The following AREL1 variants were observed in gnomAD, a reference collection of about 807,000 sequenced individuals.
The protein encoded by AREL1 is apoptosis resistant E3 ubiquitin protein ligase 1.
AREL1 carries 62 observed loss-of-function variants against 99.0 expected under a neutral mutation model. The observed-to-expected ratio is 0.63, with a 90% CI of 0.51 to 0.77. The LOEUF (loss-of-function observed/expected upper bound fraction) is 0.77. Ranked by LOEUF, AREL1 falls within the 30% of genes least tolerant of loss-of-function variation. The pLI is 0.00. For synonymous variants in AREL1, 380 were observed against 376.5 expected, an observed-to-expected ratio of 1.01 and a Z score of -0.11; for missense variants, 879 against 1,027.6, an observed-to-expected ratio of 0.86 and a Z score of 1.98.
intron 13 of AREL1, 53 bp downstream of exon 13, chr14:74,670,709 G>A: frequency 3.4e-6 from 5 of 1,486,990 alleles, no homozygotes; most frequent in South Asian, 1.2e-5. Flanking sequence ...ATCCTTGTTA[G>A]TCTACCCATG....
intron 1 of AREL1, among the ~76,000 whole-genome samples, chr14:74,695,430 A>T (rs1215148369): frequency 1.3e-5 from 2 of 152,098 alleles, no homozygotes; most frequent in Non-Finnish European, 2.9e-5. Context: ...CAACCCTGTG[A>T]TCAGCTATTT....
chr14:74,699,961 C>T (rs1397340436), intron 1 of AREL1, among the ~76,000 whole-genome samples: 1 of 152,192 alleles, frequency 6.6e-6, no homozygotes, highest in African/African-American at 2.4e-5. Context: ...TATGCACAGA[C>T]CAGGCTGCTG....
rs1201090849 is a variant in AREL1 at position 74,697,494 on chromosome 14, A to G, written c.-333-5166T>C. On this transcript the variant is annotated intron_variant, in intron 1 of 19. Coordinates refer to ENST00000356357, the MANE Select transcript of AREL1 (RefSeq NM_001039479.2). ...TTTACATTTACTATGGCTTAATTCC[A>G]CTCTTAGTTTATACTCCCCAACCCA... Among the ~76,000 whole-genome samples, 36 of 151,936 alleles carry G rather than the reference A, an allele frequency of 2.4e-4. 1 individual carries two copies. Among genetic ancestry groups the G allele is most frequent in the Admixed American group, 2.4e-3 (36 of 15,256 alleles).
chr14:74,692,698 TTTTTTG>T (rs1046697079), intron 1 of AREL1, among the ~76,000 whole-genome samples: 14 of 152,054 alleles, frequency 9.2e-5, no homozygotes, highest in African/African-American at 2.2e-4. Context: ...TAGACACAGT[TTTTTTG>T]TTTTTGTTTT....
intron 8 of AREL1, among the ~76,000 whole-genome samples, 199 bp from the exon 9 acceptor site, chr14:74,674,310 C>G (rs2089422685): frequency 6.6e-6 from 1 of 152,030 alleles, no homozygotes; most frequent in South Asian, 2.1e-4. Context: ...AAAAATATTA[C>G]CCTGATGGCC....
At chr14:74,694,120 A>C (rs2139952530) in intron 1 of AREL1, among the ~76,000 whole-genome samples, 1 of 152,292 alleles carries the variant, frequency 6.6e-6, no homozygotes, top group South Asian at 2.1e-4. Flanking sequence ...CGTTGACGTG[A>C]GCCGAGATCA....
At chr14:74,670,952 C>T (rs1455536046) in intron 12 of AREL1, 81 bp from the exon 13 acceptor site, 2 of 1,069,812 alleles carry the variant, frequency 1.9e-6, no homozygotes, top group Non-Finnish European at 2.8e-6. Flanking sequence ...TCATTTTATA[C>T]TCTCCACATT....
rs773092700 is a variant in AREL1, at chr14:74,675,944, C to T, written c.835G>A (p.Asp279Asn). ...TTGCGTTCGACGATATTCTTCTCAT[C>T]CTCTGAAGTATAATAAGGAATAAGG... is the stretch of plus-strand genomic sequence containing the variant. ...GEFDIIVLSE[D>N]EKNIVERNVS... The change falls in exon 8 of 20, where the codon GAT becomes AAT. Residue 279 changes from aspartate (D) to asparagine (N), a missense_variant and splice_region_variant. By Grantham distance (23) the Asp-to-Asn change is conservative (BLOSUM62 1). Transcript: ENST00000356357. 3.8e-6 allele frequency: 6 copies of T among 1,585,708 alleles called. No individual in the cohort carries two copies. The highest frequency in any genetic ancestry group is 5.1e-6 in the Non-Finnish European group (6 of 1,165,312).
In AREL1 at chr14:74,663,208, G is replaced by C. The variant is rs1290581126; in HGVS notation, c.*512C>G. The C allele has an allele frequency of 5.2e-6, 1 of 193,396 alleles. No homozygotes were observed. The highest frequency in any genetic ancestry group is 5.3e-5 in the Admixed American group (1 of 19,004). The allele number at this position is 193,396 out of a possible 1,614,324, so 12.0% of individuals were successfully genotyped here. A position where few individuals can be genotyped will look rare whatever the true frequency, so the allele number is the denominator to read the frequency against. On this transcript the variant is annotated 3_prime_UTR_variant, in exon 20 of 20. Transcript: ENST00000356357. Reference sequence around the variant, plus strand: ...ATTGTGCAGCGGGACTGCTCCTATGGGCCACCTCCTATCTGTCCCCCTCTC... The same window carrying C: ...ATTGTGCAGCGGGACTGCTCCTATGCGCCACCTCCTATCTGTCCCCCTCTC...
chr14:74,681,868 CTGTA>C (rs1196386439), intron 5 of AREL1, among the ~76,000 whole-genome samples: 1 of 151,592 alleles, frequency 6.6e-6, no homozygotes, highest in African/African-American at 2.4e-5. Flanking sequence ...TGGAAATGTT[CTGTA>C]CCTTGACTGT....
chr14:74,665,473 A>C (rs79070663), intron 17 of AREL1, among the ~76,000 whole-genome samples: 1 of 152,040 alleles, frequency 6.6e-6, no homozygotes, highest in Non-Finnish European at 1.5e-5. Context: ...ACACACACAC[A>C]AACTGTTTCC....
Position 74,682,106 on chromosome 14 carries a change from AT to A in AREL1, c.481+1189del, listed in dbSNP as rs2089643772. The stretch of plus-strand genomic sequence containing the variant: ...GGTGGCAAAGAGGTGGGTGATGATA[AT>A]TCATATGAAAAGGAGTATCTGAGTG... On this transcript the variant is annotated intron_variant, in intron 5 of 19. Transcript: ENST00000356357. Among the ~76,000 whole-genome samples, 6 of 152,228 alleles carry A rather than the reference AT, an allele frequency of 3.9e-5. No individual in the cohort carries two copies. In the South Asian group the frequency reaches 1.2e-3, roughly 32 times the overall value.
intron 2 of AREL1, among the ~76,000 whole-genome samples, chr14:74,689,231 G>C (rs928474555): frequency 6.6e-6 from 1 of 151,870 alleles, no homozygotes. Context: ...AGCATGTTCC[G>C]ACCCTGTTGG....
intron 4 of AREL1, 33 bp from the exon 5 acceptor site, chr14:74,683,566 A>T: frequency 1.9e-6 from 3 of 1,602,004 alleles, no homozygotes; most frequent in Middle Eastern, 1.7e-4. Context: ...ACCTGTTAGC[A>T]AGCAGAGGAA....
At position 74,683,534 on chromosome 14, in the gene AREL1, C is replaced by T. The variant is rs1294823283; in HGVS notation, c.244-1G>A. 1 of 1,613,794 alleles carries T rather than the reference C, an allele frequency of 6.2e-7. No individual in the cohort carries two copies. Among genetic ancestry groups the T allele is most frequent in the Non-Finnish European group, 8.5e-7 (1 of 1,179,758 alleles). ...AAGGCTGCCCGTTCTTATAGAATAACTGCCATGGGGAGAAGAAGGACACCT... is the reference window on the plus strand; with the variant it reads ...AAGGCTGCCCGTTCTTATAGAATAATTGCCATGGGGAGAAGAAGGACACCT... On this transcript the variant is annotated splice_acceptor_variant, in intron 4 of 19. Coordinates refer to ENST00000356357, the MANE Select transcript of AREL1 (RefSeq NM_001039479.2). LOFTEE classifies it high-confidence loss of function.
intron 17 of AREL1, 32 bp downstream of exon 17, chr14:74,667,282 CAAGTT>C: frequency 1.2e-6 from 2 of 1,613,264 alleles, no homozygotes; most frequent in South Asian, 2.2e-5. Context: ...ACAAAAATGC[CAAGTT>C]AAGAATGGGA....
intron 1 of AREL1, among the ~76,000 whole-genome samples, chr14:74,695,327 G>A (rs1055817826): frequency 3.3e-5 from 5 of 152,116 alleles, no homozygotes; most frequent in South Asian, 2.1e-4. Flanking sequence ...TGATTCGCCC[G>A]CCTCAGCTTC....
At chr14:74,675,224 G>A (rs1301468187) in intron 8 of AREL1, among the ~76,000 whole-genome samples, 1 of 152,172 alleles carries the variant, frequency 6.6e-6, no homozygotes. Flanking sequence ...ATGGTACACA[G>A]CAAAGTGTTC....
At chr14:74,698,511 T>G (rs907884306) in intron 1 of AREL1, among the ~76,000 whole-genome samples, 1 of 152,176 alleles carries the variant, frequency 6.6e-6, no homozygotes, top group Non-Finnish European at 1.5e-5. Flanking sequence ...TCTTGAGCAT[T>G]TGCTATATAC....
Sources: allele counts gnomAD v4.1 joint callset (sites outside exome capture counted in the v4.1 genomes callset), GRCh38; gene constraint gnomAD v4.1.1; transcripts MANE v1.5; gene names NCBI Gene and HGNC (gene_info 2026-07-23, HGNC 2026-07-21).